ZFAT: variants seen among roughly 807,000 people sequenced by gnomAD.
The protein encoded by ZFAT is zinc finger and AT-hook domain containing, also known as zinc finger protein ZFAT.
A neutral mutation model predicts 117.7 loss-of-function variants in ZFAT; 64 were observed. That is an observed-to-expected ratio of 0.54 (90% CI 0.44 to 0.67). The LOEUF is 0.67. Among genes scored for constraint, ZFAT ranks in the 30% least tolerant of loss-of-function variants. ZFAT has a pLI of 0.00. For synonymous variants in ZFAT, 679 were observed against 615.0 expected, an observed-to-expected ratio of 1.10 and a Z score of -1.54; for missense variants, 1,433 against 1,584.5, an observed-to-expected ratio of 0.90 and a Z score of 1.62.
the ZFAT span, among the ~76,000 whole-genome samples, chr8:134,791,314 C>T: frequency 1.3e-5 from 2 of 152,172 alleles, no homozygotes; most frequent in African/African-American, 4.8e-5. Context: ...GGCTGGAGCA[C>T]CTTCTAAGGT....
At chr8:134,569,033 A>C (rs1051265398) in intron 10 of ZFAT, among the ~76,000 whole-genome samples, 1 of 152,168 alleles carries the variant, frequency 6.6e-6, no homozygotes, top group Non-Finnish European at 1.5e-5. Flanking sequence ...GGGGAAGAAA[A>C]GAATGATTAC....
intron 1 of ZFAT, among the ~76,000 whole-genome samples, chr8:134,664,099 C>A (rs1240159770): frequency 6.6e-6 from 1 of 152,090 alleles, no homozygotes; most frequent in African/African-American, 2.4e-5. Context: ...AAGGGGCTCC[C>A]AGACTCCAGA....
chr8:134,568,547 C>T (rs1354891218), intron 10 of ZFAT, among the ~76,000 whole-genome samples: 1 of 152,196 alleles, frequency 6.6e-6, no homozygotes, highest in Admixed American at 6.5e-5. Flanking sequence ...CATTGTCAAA[C>T]ACTTGGGTCA....
At chr8:134,775,667 C>CT in the ZFAT span, among the ~76,000 whole-genome samples, 2 of 152,112 alleles carry the variant, frequency 1.3e-5, no homozygotes, top group African/African-American at 4.8e-5. Flanking sequence ...TAGTTTGCAC[C>CT]TTTTCTCAGA....
At chr8:134,620,267 G>A (rs932459436) in intron 3 of ZFAT, among the ~76,000 whole-genome samples, 1 of 152,174 alleles carries the variant, frequency 6.6e-6, no homozygotes, top group Non-Finnish European at 1.5e-5. Flanking sequence ...TGAGGTAGAC[G>A]AAGTAAGGCT....
rs1819721326 is a variant in ZFAT at position 134,510,271 on chromosome 8, C to T, written c.3362-522G>A. The T allele has an allele frequency of 7.2e-6, 3 of 417,836 alleles. No individual in the cohort carries two copies. In the East Asian group the frequency reaches 2.2e-4, roughly 30 times the overall value. 25.9% of individuals were successfully genotyped at this position (417,836 alleles called of 1,614,324 possible). A position where few individuals can be genotyped will look rare whatever the true frequency, so the allele number is the denominator to read the frequency against. The stretch of plus-strand genomic sequence containing the variant: ...TTGAAGCTGGGGGTTCTATTTTAAC[C>T]ATCTCTAAAGACGGGATTCTGCATC... On this transcript the variant is annotated intron_variant, in intron 14 of 15. Coordinates refer to ENST00000377838, the MANE Select transcript of ZFAT (RefSeq NM_020863.4).
chr8:134,831,909 G>A, the ZFAT span, among the ~76,000 whole-genome samples: 1 of 152,088 alleles, frequency 6.6e-6, no homozygotes, highest in Admixed American at 6.5e-5. Context: ...GCCCCGGAAG[G>A]GGGTCAGGCG....
At chr8:134,730,516 T>C in the ZFAT span, among the ~76,000 whole-genome samples, 2 of 152,222 alleles carry the variant, frequency 1.3e-5, no homozygotes, top group Non-Finnish European at 2.9e-5. Flanking sequence ...TCCTCCGTGT[T>C]CAGGAACAAT....
At chr8:134,583,455 C>G (rs1290875670) in intron 10 of ZFAT, among the ~76,000 whole-genome samples, 1 of 152,126 alleles carries the variant, frequency 6.6e-6, no homozygotes, top group African/African-American at 2.4e-5. Context: ...AAAATCAGGC[C>G]AGGTGTGATC....
At position 134,566,859 on chromosome 8, in the gene ZFAT, T is replaced by C. The variant is rs550299859; in HGVS notation, c.2888-1438A>G. 2.0e-5 allele frequency among the ~76,000 whole-genome samples: 3 copies of C among 152,288 alleles called. No individual in the cohort carries two copies. In the South Asian group the frequency reaches 6.2e-4, roughly 32 times the overall value. ...AGTCCACACTTTGGAAATCTTCTGTTCCTTTGACTCTGCAACAATACCACC... is the reference window on the plus strand; with the variant it reads ...AGTCCACACTTTGGAAATCTTCTGTCCCTTTGACTCTGCAACAATACCACC... On this transcript the variant is annotated intron_variant, in intron 10 of 15. Transcript: ENST00000377838.
intron 1 of ZFAT, among the ~76,000 whole-genome samples, chr8:134,700,654 G>T (rs1419687310): frequency 6.6e-6 from 1 of 152,192 alleles, no homozygotes; most frequent in Admixed American, 6.5e-5. Context: ...AGTCCGGGGG[G>T]AGGCAGAGGC....
chr8:134,686,627 T>C (rs935795820), intron 1 of ZFAT, among the ~76,000 whole-genome samples: 9 of 152,184 alleles, frequency 5.9e-5, no homozygotes, highest in Admixed American at 5.9e-4. Context: ...TTGGCCCTCG[T>C]AGCTGTGTGA....
chr8:134,729,181 C>A, the ZFAT span, among the ~76,000 whole-genome samples: 3 of 152,184 alleles, frequency 2.0e-5, no homozygotes, highest in African/African-American at 7.2e-5. Flanking sequence ...CATGCCCGAC[C>A]AGGATGATTT....
chr8:134,638,001 G>T (rs534989725), intron 2 of ZFAT, among the ~76,000 whole-genome samples: 2 of 152,088 alleles, frequency 1.3e-5, no homozygotes, highest in African/African-American at 4.8e-5. Context: ...TTAAGTTGCG[G>T]CTGTCAACCC....
chr8:134,718,883 C>T, the ZFAT span, among the ~76,000 whole-genome samples: 5 of 152,148 alleles, frequency 3.3e-5, no homozygotes, highest in Admixed American at 2.0e-4. Flanking sequence ...GCTGGTTAAA[C>T]GGATAGTTCA....
At chr8:134,763,248 A>G in the ZFAT span, among the ~76,000 whole-genome samples, 1 of 152,210 alleles carries the variant, frequency 6.6e-6, no homozygotes, top group African/African-American at 2.4e-5. Flanking sequence ...ATCAACTATA[A>G]GGCCTTAACA....
intron 1 of ZFAT, among the ~76,000 whole-genome samples, chr8:134,686,283 C>CA (rs1044091296): frequency 2.0e-5 from 3 of 152,202 alleles, no homozygotes; most frequent in Non-Finnish European, 4.4e-5. Flanking sequence ...GTCCAGGTGG[C>CA]ATGCTTCCAC....
intron 2 of ZFAT, among the ~76,000 whole-genome samples, chr8:134,641,977 C>T (rs1830612533): frequency 6.6e-6 from 1 of 152,202 alleles, no homozygotes; most frequent in Admixed American, 6.5e-5. Flanking sequence ...CCAACATTAT[C>T]AACAATTTAA....
the ZFAT span, among the ~76,000 whole-genome samples, chr8:134,719,074 A>G: frequency 4.6e-5 from 7 of 152,232 alleles, no homozygotes; most frequent in Non-Finnish European, 8.8e-5. Flanking sequence ...ATGTGGAAAG[A>G]AACCGGCTAG....
Sources: allele counts gnomAD v4.1 joint callset (sites outside exome capture counted in the v4.1 genomes callset), GRCh38; gene constraint gnomAD v4.1.1; transcripts MANE v1.5; gene names NCBI Gene and HGNC (gene_info 2026-07-23, HGNC 2026-07-21).